C12orf42: variants seen among roughly 807,000 people sequenced by gnomAD.
The protein encoded by C12orf42 is uncharacterized protein C12orf42.
In C12orf42, 25 loss-of-function variants were observed where a neutral mutation model predicts 21.6. The observed-to-expected ratio is 1.16, with a 90% CI of 0.84 to 1.62. C12orf42 has a LOEUF of 1.62. C12orf42 is among the 40% of genes most tolerant of loss of function. The pLI, the probability that C12orf42 is intolerant of heterozygous loss-of-function variation, is 0.00. For synonymous variants in C12orf42, 174 were observed against 175.0 expected, an observed-to-expected ratio of 0.99 and a Z score of 0.05; for missense variants, 483 against 459.3, an observed-to-expected ratio of 1.05 and a Z score of -0.47.
chr12:103,062,410 T>C, the C12orf42 span, among the ~76,000 whole-genome samples: 1 of 151,968 alleles, frequency 6.6e-6, no homozygotes, highest in African/African-American at 2.4e-5. Flanking sequence ...TTTTACTTGA[T>C]ACTAAATTCT....
At chr12:103,489,374 G>T (rs1461712745) in intron 1 of C12orf42, among the ~76,000 whole-genome samples, 1 of 152,180 alleles carries the variant, frequency 6.6e-6, no homozygotes, top group African/African-American at 2.4e-5. Context: ...AGCCCCTAAT[G>T]GGAGGTGTCT....
the C12orf42 span, among the ~76,000 whole-genome samples, chr12:103,214,247 A>G: frequency 6.6e-6 from 1 of 152,192 alleles, no homozygotes. Flanking sequence ...CAGAAGATAA[A>G]AAGAAAAATT....
chr12:103,431,908 A>C (rs1276738377), intron 2 of C12orf42, among the ~76,000 whole-genome samples: 1 of 152,216 alleles, frequency 6.6e-6, no homozygotes, highest in Non-Finnish European at 1.5e-5. Flanking sequence ...GGCAGGCTTT[A>C]GAGCAGGAGT....
chr12:103,309,829 G>C (rs149820571), intron 4 of C12orf42, among the ~76,000 whole-genome samples: 165 of 152,362 alleles, frequency 1.1e-3, no homozygotes, highest in Middle Eastern at 0.01. Context: ...GGCCATGCCA[G>C]GTGCCCAGAC....
the C12orf42 span, among the ~76,000 whole-genome samples, chr12:103,047,950 A>G: frequency 6.6e-6 from 1 of 152,238 alleles, no homozygotes; most frequent in East Asian, 1.9e-4. Context: ...TGTCATGGCC[A>G]GAGTAAATCA....
At chr12:103,156,983 T>C in the C12orf42 span, among the ~76,000 whole-genome samples, 1 of 152,190 alleles carries the variant, frequency 6.6e-6, no homozygotes, top group African/African-American at 2.4e-5. Flanking sequence ...CCTTTGGGTA[T>C]ATATCCAGTA....
intron 2 of C12orf42, among the ~76,000 whole-genome samples, chr12:103,455,687 CTCT>C (rs1028605408): frequency 2.1e-4 from 32 of 152,096 alleles, no homozygotes; most frequent in African/African-American, 7.5e-4. Context: ...TTGTCCTTTT[CTCT>C]TCTTAGAGAG....
the C12orf42 span, among the ~76,000 whole-genome samples, chr12:103,116,381 A>AAAATATATATATATATATAT: frequency 7.3e-6 from 1 of 136,712 alleles, no homozygotes; most frequent in African/African-American, 2.7e-5. Flanking sequence ...AAAAAAAAAA[A>AAAATATATATATATATATAT]ATATATATAT....
At chr12:103,164,829 C>T in the C12orf42 span, 2 of 415,924 alleles carry the variant, frequency 4.8e-6, no homozygotes, top group Non-Finnish European at 9.8e-6. Context: ...GATAAATTGG[C>T]AGGCAACCCA....
At chr12:103,501,522 C>T in the C12orf42 span, among the ~76,000 whole-genome samples, 20 of 152,178 alleles carry the variant, frequency 1.3e-4, no homozygotes, top group African/African-American at 4.8e-4. Flanking sequence ...CTCTGACGAT[C>T]CAGTGCCAGT....
At chr12:103,349,664 T>C (rs528039240) in intron 4 of C12orf42, among the ~76,000 whole-genome samples, 8 of 152,294 alleles carry the variant, frequency 5.3e-5, no homozygotes, top group Admixed American at 3.9e-4. Flanking sequence ...AAAATAAGAT[T>C]GGTACCATGC....
At chr12:103,544,355 T>C in the C12orf42 span, among the ~76,000 whole-genome samples, 1 of 152,368 alleles carries the variant, frequency 6.6e-6, no homozygotes, top group African/African-American at 2.4e-5. Context: ...ACTTTCATCA[T>C]TGCTATCCAG....
the C12orf42 span, among the ~76,000 whole-genome samples, chr12:103,188,505 A>G: frequency 7.2e-5 from 11 of 152,158 alleles, no homozygotes; most frequent in African/African-American, 1.2e-4. Flanking sequence ...TATGGTTTGG[A>G]TATTTTTCCT....
chr12:103,553,811 A>C, the C12orf42 span, among the ~76,000 whole-genome samples: 1 of 152,194 alleles, frequency 6.6e-6, no homozygotes. Context: ...CAGAGGAGAC[A>C]GAGGAGTTCT....
In C12orf42 at chr12:103,440,457, C is replaced by CAAAAAAAAA; in HGVS notation, c.78+37883_78+37891dup. On this transcript the variant is annotated intron_variant, in intron 2 of 5. Coordinates refer to ENST00000548883, the MANE Select transcript of C12orf42 (RefSeq NM_198521.5). Reference sequence around the variant, plus strand: ...AAATAAATAAAAGCCTCACAGATACCAAAAAAAAAAAAAAAAAAAAAAGAA... The same window carrying CAAAAAAAAA: ...AAATAAATAAAAGCCTCACAGATACCAAAAAAAAAAAAAAAAAAAAAAAAAAAAAAAGAA... Among the ~76,000 whole-genome samples, 80 of 69,690 alleles carry CAAAAAAAAA rather than the reference C, an allele frequency of 1.1e-3. 1 individual carries two copies. Among genetic ancestry groups the CAAAAAAAAA allele is most frequent in the African/African-American group, 1.5e-3 (25 of 16,472 alleles). 45.7% of individuals were successfully genotyped at this position (69,690 alleles called of 152,430 possible). A position where few individuals can be genotyped will look rare whatever the true frequency, so the allele number is the denominator to read the frequency against.
At chr12:103,169,282 T>C in the C12orf42 span, among the ~76,000 whole-genome samples, 2 of 152,082 alleles carry the variant, frequency 1.3e-5, no homozygotes, top group African/African-American at 4.8e-5. Flanking sequence ...CTGTGCCCTA[T>C]GTAAATCAGA....
chr12:103,289,163 T>C (rs553806266), intron 4 of C12orf42, among the ~76,000 whole-genome samples: 1 of 152,254 alleles, frequency 6.6e-6, no homozygotes, highest in African/African-American at 2.4e-5. Context: ...TCTTAATGCC[T>C]GAAGAGAAGT....
At chr12:103,417,013 C>T (rs1252715797) in intron 2 of C12orf42, among the ~76,000 whole-genome samples, 1 of 152,168 alleles carries the variant, frequency 6.6e-6, no homozygotes, top group Non-Finnish European at 1.5e-5. Context: ...TCTCTCCATA[C>T]CTTCCCTATC....
At chr12:103,399,790 TGTAAG>T (rs2047840552) in intron 3 of C12orf42, among the ~76,000 whole-genome samples, 1 of 152,110 alleles carries the variant, frequency 6.6e-6, no homozygotes, top group Non-Finnish European at 1.5e-5. Flanking sequence ...AAATACAATA[TGTAAG>T]GTATAATACT....
Sources: allele counts gnomAD v4.1 joint callset (sites outside exome capture counted in the v4.1 genomes callset), GRCh38; gene constraint gnomAD v4.1.1; transcripts MANE v1.5; gene names NCBI Gene and HGNC (gene_info 2026-07-23, HGNC 2026-07-21).